Variants in ZSWIM6 observed in about 807,000 individuals in gnomAD.
ZSWIM6 encodes the protein zinc finger SWIM domain-containing protein 6.
In ZSWIM6, 9 loss-of-function variants were observed where a neutral mutation model predicts 113.2. The ratio of observed to expected loss-of-function variants is 0.08; its 90% CI spans 0.05 to 0.14. The LOEUF (loss-of-function observed/expected upper bound fraction) is 0.14. ZSWIM6 is among the 10% of genes least tolerant of loss of function. ZSWIM6 has a pLI of 1.00. For missense variants in ZSWIM6, 1,162 were observed against 1,552.2 expected (o/e 0.75, Z 4.22); for synonymous variants, 611 against 606.5 (o/e 1.01, Z -0.11).
intron 4 of ZSWIM6, among the ~76,000 whole-genome samples, chr5:61,500,126 T>TATTATTATTATTATC (rs913117323): frequency 6.9e-6 from 1 of 145,802 alleles, no homozygotes; most frequent in South Asian, 2.2e-4. Context: ...TTATTATTAT[T>TATTATTATTATTATC]ATCATTATCA....
intron 4 of ZSWIM6, among the ~76,000 whole-genome samples, chr5:61,506,310 G>A (rs1748616224): frequency 6.6e-6 from 1 of 152,178 alleles, no homozygotes; most frequent in South Asian, 2.1e-4. Context: ...CAGGCCAGGT[G>A]TGGTGGCTCA....
chr5:61,478,438 C>G (rs1200575309), intron 2 of ZSWIM6, among the ~76,000 whole-genome samples: 3 of 152,124 alleles, frequency 2.0e-5, no homozygotes, highest in South Asian at 4.1e-4. Flanking sequence ...CACGAACACA[C>G]ATGTGCAGAC....
At chr5:61,384,034 G>A (rs906045560) in intron 1 of ZSWIM6, among the ~76,000 whole-genome samples, 1 of 149,942 alleles carries the variant, frequency 6.7e-6, no homozygotes, top group Non-Finnish European at 1.5e-5. Flanking sequence ...GAGGTCAGGA[G>A]ATCGAGACCA....
intron 1 of ZSWIM6, among the ~76,000 whole-genome samples, chr5:61,406,277 A>G (rs1254913862): frequency 6.6e-6 from 1 of 152,230 alleles, no homozygotes; most frequent in East Asian, 1.9e-4. Flanking sequence ...TTTAACATCT[A>G]CTAAAGCTGA....
rs1322309730 is a variant in ZSWIM6, at chr5:61,504,486, T to C, written c.1333+10076T>C. Among the ~76,000 whole-genome samples, 8 of 152,308 alleles carry C rather than the reference T, an allele frequency of 5.3e-5. No homozygotes were observed. In the South Asian group the frequency reaches 1.7e-3, roughly 32 times the overall value. ...GAGCAAAATGAAACATTCTGTTCTC[T>C]AGGAAACCCAACACCCATCATAAGT... On this transcript the variant is annotated intron_variant, in intron 4 of 13. Transcript: ENST00000252744.
In ZSWIM6 at chr5:61,543,739, G is replaced by A; in HGVS notation, c.3070G>A (p.Gly1024Ser). Residue 1024 changes from glycine (G) to serine (S), a missense_variant, in exon 14 of 14, where the codon GGC (glycine) becomes AGC (serine). By Grantham distance (56) the Gly-to-Ser change is moderately conservative. Coordinates refer to ENST00000252744, the MANE Select transcript of ZSWIM6 (RefSeq NM_020928.2). The surrounding 1 kb of genome is among the most constrained non-coding windows in gnomAD (Gnocchi z 4.3). ...AATTGTTCTCGACGCTGCTACGACT[G>A]GCATGAGCTATACACAGCTCTTTAC... Reference protein sequence around the residue: ...YQIVLDAATTGMSYTQLFTIA... With the variant: ...YQIVLDAATTSMSYTQLFTIA... 1 of 1,551,740 alleles carries A rather than the reference G, an allele frequency of 6.4e-7. No individual in the cohort carries two copies. Among genetic ancestry groups the A allele is most frequent in the South Asian group, 1.2e-5 (1 of 84,066 alleles).
intron 1 of ZSWIM6, among the ~76,000 whole-genome samples, chr5:61,447,041 C>T (rs1388222145): frequency 1.3e-5 from 2 of 152,038 alleles, no homozygotes; most frequent in Non-Finnish European, 2.9e-5. Flanking sequence ...TTTTTAAAGG[C>T]CAAACCCCCT....
intron 2 of ZSWIM6, among the ~76,000 whole-genome samples, chr5:61,488,591 G>C (rs529584329): frequency 2.6e-5 from 4 of 151,920 alleles, no homozygotes; most frequent in African/African-American, 9.6e-5. Flanking sequence ...TAGTTTTGGG[G>C]CATATAGTTG....
chr5:61,394,079 C>T lies in ZSWIM6; in HGVS notation c.676+61131C>T, dbSNP rs183566477. 2.8e-4 allele frequency among the ~76,000 whole-genome samples: 43 copies of T among 152,190 alleles called. No homozygotes were observed. In the East Asian group the frequency reaches 7.9e-3, roughly 28 times the overall value. Reference sequence around the variant, plus strand: ...TTTGGGGAATATTTATATTGATGCTCTGTTTGATTAAATTATTTCTATTAC... The same window carrying T: ...TTTGGGGAATATTTATATTGATGCTTTGTTTGATTAAATTATTTCTATTAC... On this transcript the variant is annotated intron_variant, in intron 1 of 13. Coordinates refer to ENST00000252744, the MANE Select transcript of ZSWIM6 (RefSeq NM_020928.2).
intron 1 of ZSWIM6, among the ~76,000 whole-genome samples, chr5:61,454,650 T>C (rs13162694): frequency 0.37 from 56,239 of 150,440 alleles, 10,685 homozygotes; most frequent in South Asian, 0.43. Flanking sequence ...GGCGCGATCT[T>C]GGCTCACTGC....
Position 61,522,024 on chromosome 5 carries a change from CA to C in ZSWIM6, c.1513+584del, listed in dbSNP as rs371831444. 2.2e-3 allele frequency among the ~76,000 whole-genome samples: 340 copies of C among 151,880 alleles called. 2 individuals carry two copies. The highest frequency in any genetic ancestry group is 6.3e-3 in the African/African-American group (260 of 41,434). ...TAATAGTGCCCTCCAAGTTTTGGGA[CA>C]ACCAAGAAATGCTCCCAGACATTTC... On this transcript the variant is annotated intron_variant, in intron 5 of 13. Transcript: ENST00000252744.
intron 2 of ZSWIM6, among the ~76,000 whole-genome samples, chr5:61,483,981 TA>T (rs1420418306): frequency 9.9e-5 from 15 of 152,008 alleles, no homozygotes; most frequent in Non-Finnish European, 1.5e-5. Flanking sequence ...TAATTCAAGT[TA>T]AGAGTAATTT....
chr5:61,483,182 T>C (rs1401330784), intron 2 of ZSWIM6, among the ~76,000 whole-genome samples: 1 of 152,154 alleles, frequency 6.6e-6, no homozygotes, highest in Non-Finnish European at 1.5e-5. Context: ...GCACAGGGCG[T>C]TGCGTGGTAA....
chr5:61,482,906 ATT>A (rs35924359), intron 2 of ZSWIM6, among the ~76,000 whole-genome samples: 3 of 148,360 alleles, frequency 2.0e-5, no homozygotes, highest in Non-Finnish European at 4.5e-5. Flanking sequence ...ACTTTGGGCC[ATT>A]TTTTTTTTTC....
Position 61,472,586 on chromosome 5 carries a change from C to A in ZSWIM6, c.677-95C>A. ...TAGAGGCTGTCATATTTTTTTCTTGCTGCTGTCAAGTCCCACACATTTCAA... is the reference window on the plus strand; with the variant it reads ...TAGAGGCTGTCATATTTTTTTCTTGATGCTGTCAAGTCCCACACATTTCAA... On this transcript the variant is annotated intron_variant, in intron 1 of 13. Transcript: ENST00000252744. This position sits in a 1 kb window ranked among gnomAD's most constrained non-coding sequence, Gnocchi z 4.1. 1 of 970,908 alleles carries A rather than the reference C, an allele frequency of 1.0e-6. No homozygotes were observed. Among genetic ancestry groups the A allele is most frequent in the African/African-American group, 1.7e-5 (1 of 60,070 alleles). The allele number at this position is 970,908 out of a possible 1,614,324, so 60.1% of individuals were successfully genotyped here. A position where few individuals can be genotyped will look rare whatever the true frequency, so the allele number is the denominator to read the frequency against.
chr5:61,381,656 A>G (rs1200617748), intron 1 of ZSWIM6, among the ~76,000 whole-genome samples: 1 of 152,146 alleles, frequency 6.6e-6, no homozygotes, highest in East Asian at 1.9e-4. Context: ...CACACAGTAT[A>G]TTACCTCTTT....
intron 3 of ZSWIM6, 108 bp from the exon 4 acceptor site, chr5:61,494,146 GGAGAGA>G: frequency 1.5e-6 from 1 of 653,948 alleles, no homozygotes; most frequent in Non-Finnish European, 2.2e-6. Context: ...ACACACACAC[GGAGAGA>G]GAGAGAGAGA....
chr5:61,336,737 ACAGAC>A, intron 1 of ZSWIM6, among the ~76,000 whole-genome samples: 1 of 152,210 alleles, frequency 6.6e-6, no homozygotes, highest in East Asian at 1.9e-4. Flanking sequence ...AGCCTGCGCA[ACAGAC>A]TGAGACTCTG....
intron 1 of ZSWIM6, among the ~76,000 whole-genome samples, chr5:61,459,828 T>C (rs1041082370): frequency 4.6e-5 from 7 of 152,238 alleles, no homozygotes; most frequent in African/African-American, 1.2e-4. Context: ...AGTATTTTCA[T>C]GTTAGACTCT....
Sources: gnomAD v4.1 joint callset for allele counts (sites outside exome capture counted in the v4.1 genomes callset) on GRCh38, gnomAD v4.1.1 for gene constraint, Gnocchi (gnomAD v3.1) non-coding constraint, MANE v1.5 for transcripts, NCBI Gene and HGNC (gene_info 2026-07-23, HGNC 2026-07-21) for gene names.